WNT5A: variants seen among roughly 807,000 people sequenced by gnomAD.
WNT5A encodes protein Wnt-5a.
WNT5A carries 9 observed loss-of-function variants against 42.1 expected under a neutral mutation model. The observed-to-expected ratio is 0.21, with a 90% CI of 0.13 to 0.37. The LOEUF (loss-of-function observed/expected upper bound fraction) is 0.37, where lower values mean the gene tolerates loss of function less well. Ranked by LOEUF, WNT5A falls within the 10% of genes least tolerant of loss-of-function variation. The pLI is 1.00. For synonymous variants in WNT5A, 210 were observed against 210.0 expected (o/e 1.00, Z 0.00); for missense variants, 426 against 534.0 (o/e 0.80, Z 1.99).
intron 3 of WNT5A, 32 bp downstream of exon 3, chr3:55,479,282 G>A (rs2051411331): frequency 6.9e-7 from 1 of 1,448,822 alleles, no homozygotes. Flanking sequence ...AAAAGTTAAT[G>A]TTTTAAAAAA....
intron 1 of WNT5A, among the ~76,000 whole-genome samples, chr3:55,485,860 T>G (rs372067866): frequency 1.4e-4 from 22 of 152,186 alleles, no homozygotes; most frequent in Admixed American, 3.9e-4. Context: ...TGTTGTTGTT[T>G]TTTTTAACTT....
At chr3:55,485,256 C>T (rs978421324) in intron 1 of WNT5A, among the ~76,000 whole-genome samples, 2 of 146,672 alleles carry the variant, frequency 1.4e-5, no homozygotes, top group Admixed American at 1.4e-4. Context: ...TACCTCAAGG[C>T]GGCCAACAGG....
rs2051193209 is a variant in WNT5A, at chr3:55,468,822, G to A, written c.*1270C>T. 1 of 152,580 alleles carries A rather than the reference G, an allele frequency of 6.6e-6. No homozygotes were observed. The allele number at this position is 152,580 out of a possible 1,614,324, so 9.5% of individuals were successfully genotyped here. A position where few individuals can be genotyped will look rare whatever the true frequency, so the allele number is the denominator to read the frequency against. On this transcript the variant is annotated 3_prime_UTR_variant, in exon 5 of 5. Coordinates refer to ENST00000264634, the MANE Select transcript of WNT5A (RefSeq NM_003392.7). Reference sequence around the variant, plus strand: ...ATAATCTAAACACAGGATCATAACAGTGATACGCTGCAACACCTCTGTGAA... The same window carrying A: ...ATAATCTAAACACAGGATCATAACAATGATACGCTGCAACACCTCTGTGAA...
chr3:55,474,582 C>T lies in WNT5A; in HGVS notation c.439G>A (p.Val147Met). 1.3e-6 allele frequency: 2 copies of T among 1,497,228 alleles called. No individual in the cohort carries two copies. The highest frequency in any genetic ancestry group is 1.8e-6 in the Non-Finnish European group (2 of 1,127,712). The allele number at this position is 1,497,228 out of a possible 1,614,324, so 92.7% of individuals were successfully genotyped here. A position where few individuals can be genotyped will look rare whatever the true frequency, so the allele number is the denominator to read the frequency against. Residue 147 changes from valine to methionine, a missense_variant, in exon 4 of 5, where the codon GTG (valine) becomes ATG (methionine). Coordinates refer to ENST00000264634, the MANE Select transcript of WNT5A (RefSeq NM_003392.7). Reference sequence around the variant, plus strand: ...CGGCACGCCCGGCTCATGGCGTTCACCACCCCTGCTGCGCTCACCGCGTAT... The same window carrying T: ...CGGCACGCCCGGCTCATGGCGTTCATCACCCCTGCTGCGCTCACCGCGTAT... ...FTYAVSAAGV[V>M]NAMSRACREG... is the part of the protein sequence containing the mutation.
At position 55,474,643 on chromosome 3, in the gene WNT5A, C is replaced by T; in HGVS notation, c.392-14G>A. On this transcript the variant is annotated splice_polypyrimidine_tract_variant and intron_variant, in intron 3 of 4. Coordinates refer to ENST00000264634, the MANE Select transcript of WNT5A (RefSeq NM_003392.7). Reference sequence around the variant, plus strand: ...TCTCGCGGCTGCCTGTGGGTGAGGACAAGGGATCACTGGCCGCCTGCCTCA... The same window carrying T: ...TCTCGCGGCTGCCTGTGGGTGAGGATAAGGGATCACTGGCCGCCTGCCTCA... 4 of 1,373,024 alleles carry T rather than the reference C, an allele frequency of 2.9e-6. No homozygotes were observed. The highest frequency in any genetic ancestry group is 3.7e-6 in the Non-Finnish European group (4 of 1,071,452). 85.1% of individuals were successfully genotyped at this position (1,373,024 alleles called of 1,614,324 possible). A position where few individuals can be genotyped will look rare whatever the true frequency, so the allele number is the denominator to read the frequency against.
At position 55,487,069 on chromosome 3, in the gene WNT5A, C is replaced by T. The variant is rs1204274037; in HGVS notation, c.-84G>A. On this transcript the variant is annotated 5_prime_UTR_variant, in exon 1 of 5. Transcript: ENST00000264634. The stretch of plus-strand genomic sequence containing the variant: ...TCCGAGCGGAGCGACCGGGTTAAGC[C>T]TGGGGGGACGGTCAGGAGCAGGGCT... 7.9e-6 allele frequency: 10 copies of T among 1,262,530 alleles called. No homozygotes were observed. In the Admixed American group the frequency reaches 1.8e-4, roughly 23 times the overall value. The allele number at this position is 1,262,530 out of a possible 1,614,324, so 78.2% of individuals were successfully genotyped here. A position where few individuals can be genotyped will look rare whatever the true frequency, so the allele number is the denominator to read the frequency against.
intron 1 of WNT5A, chr3:55,481,378 G>C (rs908268223): frequency 1.0e-6 from 1 of 985,648 alleles, no homozygotes; most frequent in Non-Finnish European, 1.2e-6. Context: ...TGGGCGAGAG[G>C]AGCACGGAGG....
At chr3:55,497,420 T>C in the WNT5A span, 3 of 152,214 alleles carry the variant, frequency 2.0e-5, no homozygotes, top group South Asian at 6.2e-4. Flanking sequence ...CAGTGGCCAT[T>C]TCATTGGCAG....
chr3:55,494,951 G>A (rs967251433), upstream of WNT5A, among the ~76,000 whole-genome samples: 1 of 152,142 alleles, frequency 6.6e-6, no homozygotes, highest in Admixed American at 6.5e-5. Flanking sequence ...GACACATTTG[G>A]ACAAGTGTTA....
At chr3:55,489,656 T>C (rs2107028292), upstream of WNT5A, among the ~76,000 whole-genome samples, 3 of 152,248 alleles carry the variant, frequency 2.0e-5, no homozygotes, top group East Asian at 5.8e-4. Flanking sequence ...CTTGCTTTCT[T>C]TCCCCCAGGG....
In WNT5A at chr3:55,466,980, T is replaced by A. The variant is rs1293621864; in HGVS notation, c.*3112A>T. Reference sequence around the variant, plus strand: ...GCTAATGTATCAATCTGTGGAGCACTGTCCAGATTTCCGTGTACATTTTTG... The same window carrying A: ...GCTAATGTATCAATCTGTGGAGCACAGTCCAGATTTCCGTGTACATTTTTG... On this transcript the variant is annotated 3_prime_UTR_variant, in exon 5 of 5. Transcript: ENST00000264634. 6.6e-6 allele frequency: 1 copy of A among 152,266 alleles called. No homozygotes were observed. The highest frequency in any genetic ancestry group is 1.5e-5 in the Non-Finnish European group (1 of 68,038). 9.4% of individuals were successfully genotyped at this position (152,266 alleles called of 1,614,324 possible).
chr3:55,484,645 C>T (rs1272616319), intron 1 of WNT5A, among the ~76,000 whole-genome samples: 2 of 151,696 alleles, frequency 1.3e-5, no homozygotes, highest in East Asian at 3.9e-4. Flanking sequence ...TTTCCTGCCC[C>T]CTCGTCCATC....
intron 3 of WNT5A, among the ~76,000 whole-genome samples, chr3:55,477,181 A>C (rs2051373175): frequency 6.6e-6 from 1 of 152,198 alleles, no homozygotes; most frequent in South Asian, 2.1e-4. Flanking sequence ...AAGGTATTTT[A>C]AATTTTCCCT....
At chr3:55,482,251 G>C (rs2051480543) in intron 1 of WNT5A, among the ~76,000 whole-genome samples, 2 of 152,242 alleles carry the variant, frequency 1.3e-5, no homozygotes, top group African/African-American at 2.4e-5. Flanking sequence ...AGGGGTAGGA[G>C]TTGGCCTTGG....
intron 4 of WNT5A, among the ~76,000 whole-genome samples, chr3:55,471,044 C>T (rs1367200761): frequency 6.6e-6 from 1 of 152,156 alleles, no homozygotes; most frequent in African/African-American, 2.4e-5. Context: ...GACTCCAAGC[C>T]CGTGCTTAGT....
In WNT5A at chr3:55,483,072, G is replaced by T. The variant is rs1346416174; in HGVS notation, c.7-2154C>A. Among the ~76,000 whole-genome samples the T allele has an allele frequency of 6.6e-6, 1 of 152,192 alleles. No homozygotes were observed. Among genetic ancestry groups the T allele is most frequent in the African/African-American group, 2.4e-5 (1 of 41,454 alleles). Reference sequence around the variant, plus strand: ...AGCAGAGAAATTGATAACAGATTCGGCGGATTACAGCGGATCTCTTTGTTA... The same window carrying T: ...AGCAGAGAAATTGATAACAGATTCGTCGGATTACAGCGGATCTCTTTGTTA... On this transcript the variant is annotated intron_variant, in intron 1 of 4. Coordinates refer to ENST00000264634, the MANE Select transcript of WNT5A (RefSeq NM_003392.7). This position sits in a 1 kb window ranked among gnomAD's most constrained non-coding sequence, Gnocchi z 4.2.
chr3:55,502,090 T>C, the WNT5A span, among the ~76,000 whole-genome samples: 2 of 152,208 alleles, frequency 1.3e-5, no homozygotes, highest in Non-Finnish European at 2.9e-5. Flanking sequence ...ACTTCTGGAT[T>C]TGTTGGATTT....
the WNT5A span, among the ~76,000 whole-genome samples, chr3:55,499,694 C>T: frequency 6.7e-3 from 1,018 of 152,222 alleles, 12 homozygotes; most frequent in Admixed American, 0.031. Flanking sequence ...AAATTTAAGG[C>T]CAGGCATGGT....
upstream of WNT5A, among the ~76,000 whole-genome samples, chr3:55,490,981 C>T (rs998333050): frequency 1.3e-5 from 2 of 152,046 alleles, no homozygotes; most frequent in African/African-American, 4.8e-5. Flanking sequence ...GAGATTATGC[C>T]CCAGGAGCAA....
Sources: gnomAD v4.1 joint callset for allele counts (sites outside exome capture counted in the v4.1 genomes callset) on GRCh38, gnomAD v4.1.1 for gene constraint, Gnocchi (gnomAD v3.1) non-coding constraint, MANE v1.5 for transcripts, NCBI Gene and HGNC (gene_info 2026-07-23, HGNC 2026-07-21) for gene names.